The following MEF2C variants were observed in gnomAD, a reference collection of about 807,000 sequenced individuals.
The protein encoded by MEF2C is myocyte-specific enhancer factor 2C.
MEF2C carries 6 observed loss-of-function variants against 50.5 expected under a neutral mutation model. The observed-to-expected ratio is 0.12, with a 90% confidence interval of 0.07 to 0.23. The LOEUF is 0.23. MEF2C is among the 10% of genes least tolerant of loss of function. The pLI, the probability that MEF2C is intolerant of heterozygous loss-of-function variation, is 1.00. For synonymous variants in MEF2C, 183 were observed against 228.0 expected (o/e 0.80, Z 1.78); for missense variants, 276 against 605.0 (o/e 0.46, Z 5.70).
intron 1 of MEF2C, chr5:88,839,771 T>C (rs1816661580): frequency 6.6e-6 from 1 of 152,192 alleles, no homozygotes. Context: ...TTGTCTTTTG[T>C]ATCGTATGAA....
intron 4 of MEF2C, among the ~76,000 whole-genome samples, chr5:88,755,668 A>G (rs550578084): frequency 6.8e-4 from 104 of 152,354 alleles, no homozygotes; most frequent in African/African-American, 2.4e-3. Context: ...CTGGGCTACA[A>G]ATGTTTTAAT....
chr5:88,852,153 A>G (rs1821592386), intron 1 of MEF2C, among the ~76,000 whole-genome samples: 1 of 152,208 alleles, frequency 6.6e-6, no homozygotes, highest in South Asian at 2.1e-4. Context: ...TGTATGTTGA[A>G]CTGTATGTTC....
chr5:88,776,932 T>C (rs916233044), intron 3 of MEF2C, among the ~76,000 whole-genome samples: 2 of 152,230 alleles, frequency 1.3e-5, no homozygotes, highest in Non-Finnish European at 2.9e-5. Flanking sequence ...CGGCGCACTC[T>C]GTCCTGTGGC....
At chr5:88,813,449 C>G (rs930808803) in intron 2 of MEF2C, among the ~76,000 whole-genome samples, 2 of 151,850 alleles carry the variant, frequency 1.3e-5, no homozygotes, top group African/African-American at 4.8e-5. Context: ...ACGCCTGCCC[C>G]CTCCCTCACC....
At chr5:88,827,721 C>A (rs897000861) in intron 1 of MEF2C, among the ~76,000 whole-genome samples, 29 of 151,728 alleles carry the variant, frequency 1.9e-4, no homozygotes, top group African/African-American at 7.0e-4. Flanking sequence ...CCAGGCCTTA[C>A]AAAAGTCATC....
chr5:88,848,171 A>C (rs960449887), intron 1 of MEF2C, among the ~76,000 whole-genome samples: 1 of 152,206 alleles, frequency 6.6e-6, no homozygotes, highest in African/African-American at 2.4e-5. Flanking sequence ...ATAATTTGCC[A>C]TTTAAAAAAA....
At chr5:88,734,588 T>TC (rs1763283920) in intron 6 of MEF2C, 1 of 973,972 alleles carries the variant, frequency 1.0e-6, no homozygotes, top group African/African-American at 1.8e-5. Flanking sequence ...TTTTTTTTTT[T>TC]TTTTTTTTTT....
At chr5:88,840,785 T>C (rs1435049049) in intron 1 of MEF2C, among the ~76,000 whole-genome samples, 3 of 152,342 alleles carry the variant, frequency 2.0e-5, no homozygotes, top group Admixed American at 6.5e-5. Flanking sequence ...TTTAATTCAC[T>C]ATTCCTTTAG....
chr5:88,858,252 C>T (rs529689894), intron 1 of MEF2C, among the ~76,000 whole-genome samples: 4 of 152,282 alleles, frequency 2.6e-5, no homozygotes, highest in South Asian at 4.1e-4. Context: ...CCTCTACATT[C>T]AAGCCTCACC....
intron 1 of MEF2C, among the ~76,000 whole-genome samples, chr5:88,864,910 G>A (rs1347149294): frequency 6.6e-6 from 1 of 152,078 alleles, no homozygotes; most frequent in Non-Finnish European, 1.5e-5. Flanking sequence ...TGGGATTACA[G>A]GTGCCCAGCA....
rs1194208547 is a variant in MEF2C at position 88,806,739 on chromosome 5, A to AAAAATATGCAAAATATATTTTGTATAT, written c.55-1965_55-1939dup. 7.0e-3 allele frequency among the ~76,000 whole-genome samples: 1,059 copies of AAAAATATGCAAAATATATTTTGTATAT among 152,286 alleles called. 8 individuals are homozygous for AAAAATATGCAAAATATATTTTGTATAT. Among genetic ancestry groups the AAAAATATGCAAAATATATTTTGTATAT allele is most frequent in the Middle Eastern group, 0.017 (5 of 294 alleles). ...ACACAAAAATATACCAAATATATAC[A>AAAAATATGCAAAATATATTTTGTATAT]AAAATATGCAAAATATATTTTGTAT... On this transcript the variant is annotated intron_variant, in intron 2 of 10. Transcript: ENST00000504921.
At chr5:88,752,083 A>G (rs1320166783) in intron 4 of MEF2C, 40 bp from the exon 5 acceptor site, 12 of 1,537,812 alleles carry the variant, frequency 7.8e-6, no homozygotes, top group Non-Finnish European at 1.1e-5. Context: ...AAAGAAAAGA[A>G]TTAATAACAG....
chr5:88,769,325 T>G (rs748238729), intron 3 of MEF2C, among the ~76,000 whole-genome samples: 3 of 152,182 alleles, frequency 2.0e-5, no homozygotes, highest in Non-Finnish European at 4.4e-5. Context: ...AACATTTGCC[T>G]GAGGGAATTC....
intron 1 of MEF2C, among the ~76,000 whole-genome samples, chr5:88,848,980 G>A (rs1251827918): frequency 6.6e-6 from 1 of 151,670 alleles, no homozygotes; most frequent in Non-Finnish European, 1.5e-5. Context: ...GTGAAACCCC[G>A]TCTCTACTAA....
intron 3 of MEF2C, among the ~76,000 whole-genome samples, chr5:88,797,865 G>T (rs904394913): frequency 1.3e-5 from 2 of 152,022 alleles, no homozygotes; most frequent in African/African-American, 4.8e-5. Flanking sequence ...CTCAGTATTC[G>T]CTTGTCTGTA....
At chr5:88,818,974 C>A (rs1285305979) in intron 2 of MEF2C, among the ~76,000 whole-genome samples, 1 of 151,886 alleles carries the variant, frequency 6.6e-6, no homozygotes, top group Admixed American at 6.6e-5. Flanking sequence ...TTGGTGGGTG[C>A]TTTACATTTA....
chr5:88,731,632 A>G, intron 7 of MEF2C, 97 bp downstream of exon 7: 1 of 1,108,016 alleles, frequency 9.0e-7, no homozygotes, highest in Non-Finnish European at 1.3e-6. Context: ...ATTTTCTGGG[A>G]GAATGTTAAG....
chr5:88,791,381 T>C (rs1342647068), intron 3 of MEF2C, among the ~76,000 whole-genome samples: 3 of 152,170 alleles, frequency 2.0e-5, no homozygotes, highest in Admixed American at 6.6e-5. Flanking sequence ...TTAATATTGA[T>C]AAAGAAATTA....
At chr5:88,749,258 A>G (rs1184684179) in intron 5 of MEF2C, 141 bp from the exon 6 acceptor site, 1 of 1,237,108 alleles carries the variant, frequency 8.1e-7, no homozygotes, top group African/African-American at 1.5e-5. Flanking sequence ...GATGGCTGAC[A>G]TTTGTTTTAT....
Sources: allele counts gnomAD v4.1 joint callset (sites outside exome capture counted in the v4.1 genomes callset), GRCh38; gene constraint gnomAD v4.1.1; transcripts MANE v1.5; gene names NCBI Gene and HGNC (gene_info 2026-07-23, HGNC 2026-07-21).